Variants in EML4 observed in about 807,000 individuals in gnomAD.
EML4 encodes EMAP like 4, also known as echinoderm microtubule-associated protein-like 4.
In EML4, 72 loss-of-function variants were observed where a neutral mutation model predicts 129.0. The observed-to-expected ratio is 0.56, with a 90% CI of 0.46 to 0.68. The LOEUF is 0.68. Ranked by LOEUF, EML4 falls within the 30% of genes least tolerant of loss-of-function variation. The probability of loss-of-function intolerance (pLI) is 0.00; values close to 1 mark genes in which losing one functional copy is unlikely to be tolerated. For synonymous variants in EML4, 532 were observed against 405.0 expected, an observed-to-expected ratio of 1.31 and a Z score of -3.77; for missense variants, 1,363 against 1,190.6, an observed-to-expected ratio of 1.14 and a Z score of -2.13.
intron 1 of EML4, among the ~76,000 whole-genome samples, chr2:42,240,076 G>A (rs187757777): frequency 1.2e-4 from 18 of 152,144 alleles, no homozygotes; most frequent in African/African-American, 4.3e-4. Flanking sequence ...AATGATGAGA[G>A]GGGTTGTTGG....
intron 16 of EML4, 50 bp downstream of exon 16, chr2:42,303,496 A>G (rs1199743879): frequency 1.3e-6 from 2 of 1,592,452 alleles, no homozygotes; most frequent in Admixed American, 3.4e-5. Context: ...AACTCCTCAC[A>G]CTGGCAGTTG....
chr2:42,328,616 C>T (rs1456264569), intron 21 of EML4, among the ~76,000 whole-genome samples: 1 of 152,172 alleles, frequency 6.6e-6, no homozygotes, highest in South Asian at 2.1e-4. Flanking sequence ...ATTATTAGCA[C>T]CACCTGCTGG....
intron 17 of EML4, 58 bp downstream of exon 17, chr2:42,304,609 A>G: frequency 1.6e-6 from 2 of 1,266,462 alleles, no homozygotes; most frequent in Non-Finnish European, 2.3e-6. Flanking sequence ...AATGCTATTC[A>G]GGAATGTTCT....
At chr2:42,181,483 A>G (rs1249153668) in intron 1 of EML4, among the ~76,000 whole-genome samples, 1 of 151,942 alleles carries the variant, frequency 6.6e-6, no homozygotes, top group Non-Finnish European at 1.5e-5. Flanking sequence ...TATTTTTCGT[A>G]GGGATGGGGT....
rs191349211 is a variant in EML4 at position 42,192,819 on chromosome 2, A to G, written c.25+23183A>G. ...CTTCAGAGCAACTGATTCCAGTATC[A>G]TGATTTTCACTTTTCTGTGGTCCTT... is the stretch of plus-strand genomic sequence containing the variant. On this transcript the variant is annotated intron_variant, in intron 1 of 22. Coordinates refer to ENST00000318522, the MANE Select transcript of EML4 (RefSeq NM_019063.5). 5.3e-5 allele frequency among the ~76,000 whole-genome samples: 8 copies of G among 152,330 alleles called. No homozygotes were observed. The East Asian group carries it at 1.4e-3, about 26-fold the overall frequency.
At chr2:42,261,444 TATAGCCC>T in intron 4 of EML4, 150 bp downstream of exon 4, 1 of 528,532 alleles carries the variant, frequency 1.9e-6, no homozygotes, top group Non-Finnish European at 3.1e-6. Flanking sequence ...ATTTATGCTT[TATAGCCC>T]ATTGGGGAAT....
At chr2:42,261,378 A>C (rs1665724141) in intron 4 of EML4, 84 bp downstream of exon 4, 1 of 1,264,734 alleles carries the variant, frequency 7.9e-7, no homozygotes, top group Non-Finnish European at 1.1e-6. Flanking sequence ...TTAGCTATCC[A>C]AGGATTCTGA....
intron 1 of EML4, among the ~76,000 whole-genome samples, chr2:42,181,136 T>C (rs1349711169): frequency 1.3e-5 from 2 of 152,246 alleles, no homozygotes; most frequent in Non-Finnish European, 2.9e-5. Context: ...TTTACAATTT[T>C]AGTAATTGCA....
chr2:42,210,860 AT>A (rs962821545), intron 1 of EML4, among the ~76,000 whole-genome samples: 3 of 152,118 alleles, frequency 2.0e-5, no homozygotes, highest in Non-Finnish European at 2.9e-5. Context: ...GTTTTTAGAG[AT>A]TTATTTTAAG....
rs141669467 is a variant in EML4 at position 42,217,501 on chromosome 2, C to T, written c.26-28004C>T. Among the ~76,000 whole-genome samples, 1,087 of 152,262 alleles carry T rather than the reference C, an allele frequency of 7.1e-3. 15 individuals are homozygous for T. Among genetic ancestry groups the T allele is most frequent in the African/African-American group, 0.025 (1,035 of 41,544 alleles). On this transcript the variant is annotated intron_variant, in intron 1 of 22. Coordinates refer to ENST00000318522, the MANE Select transcript of EML4 (RefSeq NM_019063.5). ...GTTACTGTTTTTCATTTAGTAACTTCAGATACTTGAAACCTAATATTTGTC... is the reference window on the plus strand; with the variant it reads ...GTTACTGTTTTTCATTTAGTAACTTTAGATACTTGAAACCTAATATTTGTC...
At position 42,169,441 on chromosome 2, in the gene EML4, G is replaced by A. The variant is rs1426531180; in HGVS notation, c.-171G>A. On this transcript the variant is annotated 5_prime_UTR_variant, in exon 1 of 23. Transcript: ENST00000318522. ...ACGTGACGGGGAAGTGGTTCGGGCG[G>A]CCGCGGCTTACTACCCCAGGGCGAA... The A allele has an allele frequency of 3.3e-6, 2 of 614,368 alleles. No individual in the cohort carries two copies. The highest frequency in any genetic ancestry group is 3.4e-5 in the East Asian group (1 of 29,174). 38.1% of individuals were successfully genotyped at this position (614,368 alleles called of 1,614,324 possible).
Position 42,195,364 on chromosome 2 carries a change from A to G in EML4, c.25+25728A>G, listed in dbSNP as rs375361548. Among the ~76,000 whole-genome samples, 7 of 152,362 alleles carry G rather than the reference A, an allele frequency of 4.6e-5. No homozygotes were observed. In the South Asian group the frequency reaches 1.2e-3, roughly 27 times the overall value. On this transcript the variant is annotated intron_variant, in intron 1 of 22. Coordinates refer to ENST00000318522, the MANE Select transcript of EML4 (RefSeq NM_019063.5). ...TTCATAGTATTATAATGTTTAATGT[A>G]TCATACTCAGTTTTTATGCCATACT...
intron 19 of EML4, among the ~76,000 whole-genome samples, chr2:42,324,186 T>G (rs1047124794): frequency 6.6e-6 from 1 of 152,062 alleles, no homozygotes; most frequent in African/African-American, 2.4e-5. Context: ...TCCCAGCTAC[T>G]CAGGAGGCTG....
intron 1 of EML4, among the ~76,000 whole-genome samples, chr2:42,205,780 G>C (rs901398446): frequency 3.9e-5 from 6 of 152,152 alleles, no homozygotes; most frequent in African/African-American, 1.2e-4. Context: ...CTTTGGGTTA[G>C]AATTCCCTAA....
intron 1 of EML4, among the ~76,000 whole-genome samples, chr2:42,223,198 A>T (rs958604891): frequency 1.3e-5 from 2 of 152,078 alleles, no homozygotes; most frequent in Admixed American, 6.6e-5. Flanking sequence ...ATAGGTTTAT[A>T]GTTCCCTCTC....
intron 19 of EML4, among the ~76,000 whole-genome samples, chr2:42,319,113 C>T (rs891548916): frequency 4.6e-5 from 7 of 152,198 alleles, no homozygotes; most frequent in African/African-American, 1.7e-4. Context: ...CCCTGTAGCA[C>T]TTAGCCCACT....
chr2:42,215,825 G>A (rs530181781), intron 1 of EML4, among the ~76,000 whole-genome samples: 4 of 151,980 alleles, frequency 2.6e-5, no homozygotes, highest in Admixed American at 6.5e-5. Flanking sequence ...CTGCCTTATC[G>A]CATACCCAGC....
intron 1 of EML4, among the ~76,000 whole-genome samples, chr2:42,202,175 A>G (rs907182201): frequency 6.6e-6 from 1 of 152,120 alleles, no homozygotes; most frequent in Non-Finnish European, 1.5e-5. Flanking sequence ...GTCAAATAGT[A>G]CAAAGTTTCA....
intron 8 of EML4, among the ~76,000 whole-genome samples, chr2:42,284,023 T>C (rs1323276223): frequency 1.3e-5 from 2 of 152,236 alleles, no homozygotes; most frequent in East Asian, 3.8e-4. Flanking sequence ...CTCATATACG[T>C]GCTGTGAGTA....
Sources: gnomAD v4.1 joint callset for allele counts (sites outside exome capture counted in the v4.1 genomes callset) on GRCh38, gnomAD v4.1.1 for gene constraint, MANE v1.5 for transcripts, NCBI Gene and HGNC (gene_info 2026-07-23, HGNC 2026-07-21) for gene names.